Variants in NCALD observed in about 807,000 individuals in gnomAD.
NCALD encodes the protein neurocalcin delta, also known as neurocalcin-delta.
NCALD carries 10 observed loss-of-function variants against 18.6 expected under a neutral mutation model. The ratio of observed to expected loss-of-function variants is 0.54; its 90% CI spans 0.33 to 0.91. The LOEUF (loss-of-function observed/expected upper bound fraction) is 0.91. NCALD is among the 40% of genes least tolerant of loss of function. The probability of loss-of-function intolerance (pLI) is 0.03; values close to 1 mark genes in which losing one functional copy is unlikely to be tolerated. For synonymous variants in NCALD, 88 were observed against 87.4 expected, an observed-to-expected ratio of 1.01 and a Z score of -0.04; for missense variants, 184 against 247.6, an observed-to-expected ratio of 0.74 and a Z score of 1.72.
In NCALD at chr8:101,997,395, C is replaced by A. The variant is rs188161218; in HGVS notation, c.-157+22842G>T. ...GCTTTTATTTTTTTTTTCCTGGAACCTTTTAGATGAAGGTAGCTTTGCCCA... is the reference window on the plus strand; with the variant it reads ...GCTTTTATTTTTTTTTTCCTGGAACATTTTAGATGAAGGTAGCTTTGCCCA... On this transcript the variant is annotated intron_variant, in intron 2 of 6. Transcript: ENST00000311028. Among the ~76,000 whole-genome samples the A allele has an allele frequency of 2.8e-3, 429 of 151,454 alleles. 1 individual carries two copies. The highest frequency in any genetic ancestry group is 4.3e-3 in the Admixed American group (66 of 15,240).
intron 2 of NCALD, among the ~76,000 whole-genome samples, chr8:101,702,981 G>A (rs935328509): frequency 5.3e-5 from 8 of 152,324 alleles, no homozygotes; most frequent in South Asian, 4.1e-4. Context: ...AGTAAGAGGC[G>A]TGTTGAAATC....
At chr8:102,107,064 T>G (rs1481516648) in intron 1 of NCALD, among the ~76,000 whole-genome samples, 2 of 151,560 alleles carry the variant, frequency 1.3e-5, no homozygotes, top group Admixed American at 1.3e-4. Context: ...TATTTAATCA[T>G]TCTGAACTGC....
chr8:101,859,969 A>C (rs1384584555), intron 4 of NCALD, among the ~76,000 whole-genome samples: 1 of 152,228 alleles, frequency 6.6e-6, no homozygotes, highest in Non-Finnish European at 1.5e-5. Flanking sequence ...TAAAGAGTAG[A>C]TTCAAAAGTT....
intron 1 of NCALD, among the ~76,000 whole-genome samples, chr8:102,113,057 C>T (rs1339800385): frequency 6.6e-6 from 1 of 152,122 alleles, no homozygotes; most frequent in East Asian, 1.9e-4. Flanking sequence ...AAGACAGAAG[C>T]TATGAATGCC....
At position 101,893,123 on chromosome 8, in the gene NCALD, G is replaced by C. The variant is rs1352271377; in HGVS notation, c.-106-5896C>G. Among the ~76,000 whole-genome samples the C allele has an allele frequency of 2.0e-5, 3 of 151,764 alleles. No individual in the cohort carries two copies. The East Asian group carries it at 5.8e-4, about 29-fold the overall frequency. ...AAGGGCAGCCAGAGAGAAAGGTCAG[G>C]TTACCCACAAAGGGAAGCCCATCAG... On this transcript the variant is annotated intron_variant, in intron 3 of 6. Coordinates refer to the NCALD transcript ENST00000311028.
chr8:101,730,266 G>T lies in NCALD; in HGVS notation c.-19-10618C>A, dbSNP rs1215947401. 6.6e-5 allele frequency among the ~76,000 whole-genome samples: 10 copies of T among 151,968 alleles called. 1 individual carries two copies. The highest frequency in any genetic ancestry group is 6.5e-4 in the Admixed American group (10 of 15,268). ...GGAGGCCGAGGCGGGCAGATCACAA[G>T]GTCAGGAGTTCGAGACCAGCCTGGC... is the stretch of plus-strand genomic sequence containing the variant. On this transcript the variant is annotated intron_variant, in intron 1 of 3. Coordinates refer to ENST00000220931, the MANE Select transcript of NCALD (RefSeq NM_032041.3).
chr8:101,730,116 T>C (rs1357364238), intron 1 of NCALD, among the ~76,000 whole-genome samples: 1 of 152,180 alleles, frequency 6.6e-6, no homozygotes, highest in East Asian at 1.9e-4. Flanking sequence ...TTTAAATGCA[T>C]ATGTATGAAA....
rs182642757 is a variant in NCALD, at chr8:102,026,568, C to A, written c.-209-6279G>T. ...GCTCCCATGGCCTTGGACAGCTCCA[C>A]ATCTGTAGCTTTGCAGGGTACAGCC... On this transcript the variant is annotated intron_variant, in intron 1 of 6. Coordinates refer to the NCALD transcript ENST00000311028. Among the ~76,000 whole-genome samples the A allele has an allele frequency of 1.4e-4, 21 of 152,350 alleles. 1 individual carries two copies. In the Middle Eastern group the frequency reaches 0.017, roughly 123 times the overall value.
At chr8:101,777,403 TG>T (rs1474268572) in intron 1 of NCALD, among the ~76,000 whole-genome samples, 1 of 152,172 alleles carries the variant, frequency 6.6e-6, no homozygotes, top group African/African-American at 2.4e-5. Flanking sequence ...ACAGGAGTAC[TG>T]GGGAAGTTAG....
At chr8:101,760,228 G>A (rs1438024734) in intron 1 of NCALD, among the ~76,000 whole-genome samples, 7 of 152,130 alleles carry the variant, frequency 4.6e-5, no homozygotes, top group Admixed American at 2.6e-4. Context: ...CTCCTCCCAC[G>A]CTGTTTGGCT....
At chr8:102,041,836 C>T (rs752327039) in intron 1 of NCALD, among the ~76,000 whole-genome samples, 1 of 150,868 alleles carries the variant, frequency 6.6e-6, no homozygotes, top group Non-Finnish European at 1.5e-5. Context: ...GCCTCAGCTG[C>T]TAGCACTCAA....
At chr8:101,888,881 A>G (rs1161643599) in intron 3 of NCALD, among the ~76,000 whole-genome samples, 1 of 152,174 alleles carries the variant, frequency 6.6e-6, no homozygotes, top group East Asian at 1.9e-4. Flanking sequence ...CCCCACTGAA[A>G]GCTTAGACAG....
intron 1 of NCALD, among the ~76,000 whole-genome samples, chr8:101,724,015 T>G (rs543280813): frequency 1.3e-5 from 2 of 152,342 alleles, no homozygotes; most frequent in Non-Finnish European, 2.9e-5. Context: ...GTAATGCTAA[T>G]ACTGCTTCAG....
rs770511305 is a variant in NCALD at position 101,689,381 on chromosome 8, G to A, written c.510C>T (p.Ile170=). ...TGGACGGGTCGCTTTTGGCTCCTCG[G>A]ATGAACTCTTCCAGGGAGAGTTTTC... ...RDGKLSLEEF[I]RGAKSDPSIV... The change falls in exon 4 of 4, where the codon ATC becomes ATT. Residue 170 remains isoleucine, a synonymous_variant. Transcript: ENST00000220931. This position sits in a 1 kb window ranked among gnomAD's most constrained non-coding sequence, Gnocchi z 4.4. 22 of 1,610,956 alleles carry A rather than the reference G, an allele frequency of 1.4e-5. No homozygotes were observed. In the South Asian group the frequency reaches 2.4e-4, roughly 18 times the overall value.
At chr8:102,072,809 G>A (rs11784583) in intron 1 of NCALD, among the ~76,000 whole-genome samples, 2 of 152,070 alleles carry the variant, frequency 1.3e-5, no homozygotes, top group Non-Finnish European at 2.9e-5. Flanking sequence ...GACACCATTC[G>A]AAAGATTTTT....
upstream of NCALD, among the ~76,000 whole-genome samples, chr8:101,794,388 A>G (rs1812558216): frequency 6.6e-6 from 1 of 152,176 alleles, no homozygotes; most frequent in Non-Finnish European, 1.5e-5. Flanking sequence ...CTAATAGGGA[A>G]GAGAGCCTCT....
chr8:101,725,516 C>T (rs1283969083), intron 1 of NCALD, among the ~76,000 whole-genome samples: 1 of 152,136 alleles, frequency 6.6e-6, no homozygotes, highest in Non-Finnish European at 1.5e-5. Context: ...AACAAGAACC[C>T]GGGTACCAAG....
intron 4 of NCALD, among the ~76,000 whole-genome samples, chr8:101,806,909 A>G (rs966987738): frequency 1.3e-4 from 20 of 152,098 alleles, no homozygotes; most frequent in African/African-American, 4.8e-4. Flanking sequence ...TGAAAGCAGC[A>G]AGAGAAAAAT....
At chr8:101,773,791 C>T (rs1440775071) in intron 1 of NCALD, among the ~76,000 whole-genome samples, 1 of 152,150 alleles carries the variant, frequency 6.6e-6, no homozygotes. Context: ...CTATGTACCT[C>T]CCATTGAGGC....
Sources: allele counts gnomAD v4.1 joint callset (sites outside exome capture counted in the v4.1 genomes callset), GRCh38; gene constraint gnomAD v4.1.1; non-coding constraint Gnocchi (gnomAD v3.1); transcripts MANE v1.5; gene names NCBI Gene and HGNC (gene_info 2026-07-23, HGNC 2026-07-21).